Variants in CFH observed in about 807,000 individuals in gnomAD.
The protein encoded by CFH is complement factor H.
Under a neutral mutation model 147.3 loss-of-function variants are expected in CFH, and 53 were observed. The ratio of observed to expected loss-of-function variants is 0.36; its 90% CI spans 0.29 to 0.45. The LOEUF (loss-of-function observed/expected upper bound fraction) is 0.45. Among genes scored for constraint, CFH ranks in the 20% least tolerant of loss-of-function variants. The probability of loss-of-function intolerance (pLI) is 1.00; values close to 1 mark genes in which losing one functional copy is unlikely to be tolerated. For synonymous variants in CFH, 536 were observed against 489.4 expected, an observed-to-expected ratio of 1.10 and a Z score of -1.26; for missense variants, 1,380 against 1,498.0, an observed-to-expected ratio of 0.92 and a Z score of 1.30.
In CFH at chr1:196,747,361, C is replaced by T; in HGVS notation, c.*48C>T. On this transcript the variant is annotated 3_prime_UTR_variant, in exon 22 of 22. Transcript: ENST00000367429. ...TTTATTCAGAACTTTAGTATTAAAT[C>T]AGTTCTCAATTTCATTTTTTATGTA... 2 of 1,610,066 alleles carry T rather than the reference C, an allele frequency of 1.2e-6. No individual in the cohort carries two copies. Among genetic ancestry groups the T allele is most frequent in the Non-Finnish European group, 1.7e-6 (2 of 1,176,602 alleles).
chr1:196,689,224 A>G (rs1480440595), intron 7 of CFH, among the ~76,000 whole-genome samples, 196 bp from the exon 8 acceptor site: 2 of 152,128 alleles, frequency 1.3e-5, no homozygotes, highest in African/African-American at 2.4e-5. Context: ...ACATAATTTC[A>G]TCTTCATTAA....
rs1346968696 is a variant in CFH, at chr1:196,743,516, A to C, written c.3198A>C (p.Lys1066Asn). The part of the protein sequence containing the change: ...NAYIVSRQMS[K>N]YPSGERVRYQ... ...ATATAGTGTCGAGACAGATGAGTAAATATCCATCTGGTGAGAGAGTACGTT... is the reference window on the plus strand; with the variant it reads ...ATATAGTGTCGAGACAGATGAGTAACTATCCATCTGGTGAGAGAGTACGTT... Residue 1066 changes from lysine to asparagine, a missense_variant, in exon 20 of 22, where the codon AAA (lysine) becomes AAC (asparagine). This residue lies in a region of CFH where 830 missense variants were observed against 821.4 expected (regional missense o/e 1.01). Coordinates refer to ENST00000367429, the MANE Select transcript of CFH (RefSeq NM_000186.4). 2.5e-6 allele frequency: 4 copies of C among 1,613,942 alleles called. No homozygotes were observed. The highest frequency in any genetic ancestry group is 1.3e-5 in the African/African-American group (1 of 74,938).
chr1:196,676,632 G>T (rs921225239), intron 4 of CFH, among the ~76,000 whole-genome samples: 1 of 152,096 alleles, frequency 6.6e-6, no homozygotes, highest in African/African-American at 2.4e-5. Flanking sequence ...CAAATCTCTA[G>T]TCATTATGGA....
chr1:196,679,969 G>A (rs1003942055), intron 6 of CFH, among the ~76,000 whole-genome samples, 176 bp downstream of exon 6: 1 of 151,714 alleles, frequency 6.6e-6, no homozygotes, highest in Non-Finnish European at 1.5e-5. Flanking sequence ...CACTTCGTAC[G>A]ATACACACAC....
intron 3 of CFH, 78 bp from the exon 4 acceptor site, chr1:196,675,911 A>G (rs1409817223): frequency 1.0e-5 from 9 of 870,914 alleles, no homozygotes; most frequent in Non-Finnish European, 1.7e-5. Flanking sequence ...GAGTTTCTGG[A>G]CACTCAGAAT....
intron 9 of CFH, among the ~76,000 whole-genome samples, chr1:196,691,220 A>G (rs960745001): frequency 2.5e-4 from 38 of 152,158 alleles, no homozygotes; most frequent in African/African-American, 9.2e-4. Flanking sequence ...AGTTTAAAAT[A>G]GAAAGTAAAT....
At chr1:196,671,081 T>G (rs1667261207) in intron 1 of CFH, among the ~76,000 whole-genome samples, 1 of 152,190 alleles carries the variant, frequency 6.6e-6, no homozygotes, top group East Asian at 1.9e-4. Context: ...TGTGTCCATT[T>G]GATTCTTAAA....
chr1:196,731,003 T>C (rs887289210), intron 15 of CFH, among the ~76,000 whole-genome samples: 1 of 151,876 alleles, frequency 6.6e-6, no homozygotes, highest in Non-Finnish European at 1.5e-5. Flanking sequence ...AGTTTATAAT[T>C]GGATATTAAT....
intron 9 of CFH, chr1:196,690,488 A>T (rs559261268): frequency 7.4e-6 from 4 of 542,544 alleles, no homozygotes; most frequent in Non-Finnish European, 1.3e-5. Context: ...ATTTGAACAC[A>T]ATACTTGTTG....
intron 10 of CFH, among the ~76,000 whole-genome samples, chr1:196,714,656 T>G (rs1558173349): frequency 1.5e-3 from 73 of 49,272 alleles, no homozygotes; most frequent in African/African-American, 2.6e-3. Context: ...TATATATATA[T>G]ATATATATAT....
intron 11 of CFH, among the ~76,000 whole-genome samples, chr1:196,723,506 G>A (rs1377805046): frequency 6.6e-6 from 1 of 152,120 alleles, no homozygotes; most frequent in African/African-American, 2.4e-5. Context: ...ATTTTGCACT[G>A]GGCTGTGCAG....
At chr1:196,731,025 T>G (rs184621123) in intron 15 of CFH, among the ~76,000 whole-genome samples, 173 of 152,040 alleles carry the variant, frequency 1.1e-3, no homozygotes, top group African/African-American at 3.9e-3. Context: ...TTTGATTTAT[T>G]TAGTCATTCT....
rs751002233 is a variant in CFH at position 196,690,217 on chromosome 1, T to C, written c.1314T>C (p.Pro438=). The C allele has an allele frequency of 1.2e-6, 2 of 1,613,396 alleles. No individual in the cohort carries two copies. The highest frequency in any genetic ancestry group is 1.7e-5 in the Admixed American group (1 of 59,918). ...CATGTATGGAGAATGGCTGGTCTCC[T>C]ACTCCCAGATGCATCCGTGTCAGTA... The part of the protein sequence containing the change: ...TVTCMENGWS[P]TPRCIRVKTC... Residue 438 remains proline (P), a synonymous_variant, in exon 9 of 22, where the codon CCT becomes CCC. Coordinates refer to ENST00000367429, the MANE Select transcript of CFH (RefSeq NM_000186.4).
chr1:196,704,727 C>T (rs780564031), intron 9 of CFH, among the ~76,000 whole-genome samples: 3 of 152,182 alleles, frequency 2.0e-5, no homozygotes, highest in Admixed American at 6.5e-5. Context: ...GGCCTTCCTG[C>T]AATACAGGAA....
chr1:196,673,727 G>T (rs1302886276), intron 2 of CFH, 130 bp from the exon 3 acceptor site: 9 of 704,206 alleles, frequency 1.3e-5, no homozygotes, highest in Non-Finnish European at 2.3e-5. Context: ...TAATGGCTTT[G>T]CTATGTTTAA....
chr1:196,674,655 T>G (rs1000703426), intron 3 of CFH, among the ~76,000 whole-genome samples: 1 of 152,162 alleles, frequency 6.6e-6, no homozygotes, highest in African/African-American at 2.4e-5. Flanking sequence ...AATATAAATG[T>G]AACCAAATAT....
chr1:196,745,718 T>C, intron 20 of CFH, 99 bp from the exon 21 acceptor site: 1 of 1,520,836 alleles, frequency 6.6e-7, no homozygotes, highest in Non-Finnish European at 9.1e-7. Context: ...CACAAAACTG[T>C]TGATATTATA....
intron 1 of CFH, among the ~76,000 whole-genome samples, chr1:196,664,317 C>A (rs1014486811): frequency 1.4e-4 from 21 of 152,170 alleles, no homozygotes; most frequent in African/African-American, 5.1e-4. Context: ...CCACCTCAGC[C>A]TCCCAAAATG....
intron 17 of CFH, among the ~76,000 whole-genome samples, chr1:196,739,590 A>T (rs1652732840): frequency 6.6e-6 from 1 of 152,170 alleles, no homozygotes; most frequent in Non-Finnish European, 1.5e-5. Context: ...CATTGTCCAT[A>T]TCACTGTGAG....
Sources: allele counts gnomAD v4.1 joint callset (sites outside exome capture counted in the v4.1 genomes callset), GRCh38; gene constraint gnomAD v4.1.1; regional missense constraint gnomAD v4.1.1; transcripts MANE v1.5; gene names NCBI Gene and HGNC (gene_info 2026-07-23, HGNC 2026-07-21).